Variants in CCSER1 observed in about 807,000 individuals in gnomAD.
CCSER1 encodes the protein coiled-coil serine rich protein 1, also known as serine-rich coiled-coil domain-containing protein 1.
CCSER1 carries 41 observed loss-of-function variants against 82.0 expected under a neutral mutation model. That is an observed-to-expected ratio of 0.50 (90% CI 0.39 to 0.65). The LOEUF (loss-of-function observed/expected upper bound fraction) is 0.65, where lower values mean the gene tolerates loss of function less well. CCSER1 is among the 30% of genes least tolerant of loss of function. The probability of loss-of-function intolerance (pLI) is 0.00; values close to 1 mark genes in which losing one functional copy is unlikely to be tolerated. For synonymous variants in CCSER1, 414 were observed against 383.9 expected, an observed-to-expected ratio of 1.08 and a Z score of -0.92; for missense variants, 1,119 against 1,064.2, an observed-to-expected ratio of 1.05 and a Z score of -0.72.
rs140189403 is a variant in CCSER1 at position 90,738,806 on chromosome 4, C to T, written c.2010+14815C>T. ...CTGCTGTCGATGTTCACTCAAGGCC[C>T]TGTGCTCTTTCATCAGCTTATGGTG... On this transcript the variant is annotated intron_variant, in intron 7 of 10. Coordinates refer to ENST00000509176, the MANE Select transcript of CCSER1 (RefSeq NM_001145065.2). 2.7e-3 allele frequency among the ~76,000 whole-genome samples: 415 copies of T among 152,256 alleles called. 3 individuals carry two copies. Among genetic ancestry groups the T allele is most frequent in the African/African-American group, 9.7e-3 (405 of 41,552 alleles).
intron 9 of CCSER1, among the ~76,000 whole-genome samples, chr4:91,034,773 G>T (rs576929698): frequency 6.6e-6 from 1 of 152,164 alleles, no homozygotes; most frequent in African/African-American, 2.4e-5. Context: ...TGAAAAGCAG[G>T]CTAAAAATGT....
chr4:90,423,249 T>G (rs1756992348), intron 4 of CCSER1, among the ~76,000 whole-genome samples: 1 of 152,180 alleles, frequency 6.6e-6, no homozygotes, highest in South Asian at 2.1e-4. Flanking sequence ...TATTTTGAGA[T>G]GGAGTCTTGC....
At chr4:90,190,409 T>C (rs1320411880) in intron 1 of CCSER1, among the ~76,000 whole-genome samples, 1 of 152,066 alleles carries the variant, frequency 6.6e-6, no homozygotes, top group Non-Finnish European at 1.5e-5. Context: ...AAAAAACTGG[T>C]CAAGGTCAGA....
At chr4:90,691,476 A>G (rs1345372142) in intron 6 of CCSER1, among the ~76,000 whole-genome samples, 2 of 151,676 alleles carry the variant, frequency 1.3e-5, no homozygotes, top group African/African-American at 2.4e-5. Flanking sequence ...ACACACATGT[A>G]TTATATATCA....
intron 1 of CCSER1, among the ~76,000 whole-genome samples, chr4:90,196,601 C>T (rs1462423694): frequency 6.7e-6 from 1 of 149,930 alleles, no homozygotes; most frequent in Admixed American, 6.7e-5. Flanking sequence ...TCTTTATTCC[C>T]TTTCCCCATA....
intron 3 of CCSER1, 139 bp downstream of exon 3, chr4:90,313,186 T>C (rs1388547817): frequency 2.7e-6 from 2 of 733,750 alleles, no homozygotes; most frequent in African/African-American, 3.6e-5. Flanking sequence ...TAGTTGACAT[T>C]ACAAGTCAGA....
At chr4:90,397,686 G>C (rs187785268) in intron 3 of CCSER1, among the ~76,000 whole-genome samples, 2 of 152,102 alleles carry the variant, frequency 1.3e-5, no homozygotes, top group African/African-American at 4.8e-5. Flanking sequence ...CACCAAGTTT[G>C]GTTAAGATGT....
At chr4:90,331,851 A>T (rs1466209544) in intron 3 of CCSER1, among the ~76,000 whole-genome samples, 1 of 151,172 alleles carries the variant, frequency 6.6e-6, no homozygotes, top group African/African-American at 2.4e-5. Context: ...GAAAGGTTGT[A>T]TTATACATTT....
chr4:90,483,705 C>T (rs1766481544), intron 5 of CCSER1, among the ~76,000 whole-genome samples: 1 of 152,238 alleles, frequency 6.6e-6, no homozygotes, highest in Non-Finnish European at 1.5e-5. Context: ...TTGGCCCCCA[C>T]TCTCTTCTGG....
intron 5 of CCSER1, among the ~76,000 whole-genome samples, chr4:90,574,104 T>C (rs919425644): frequency 2.8e-4 from 42 of 151,856 alleles, no homozygotes; most frequent in African/African-American, 9.9e-4. Context: ...TCAGCACTGA[T>C]ATATTTTAAA....
rs571857762 is a variant in CCSER1 at position 90,335,594 on chromosome 4, C to T, written c.1509+22547C>T. On this transcript the variant is annotated intron_variant, in intron 3 of 10. Coordinates refer to ENST00000509176, the MANE Select transcript of CCSER1 (RefSeq NM_001145065.2). ...CTTTTCTTTTTTAGCCCTATGAAAG[C>T]AAATATTTGTTCCCTAAATTTGCTC... Among the ~76,000 whole-genome samples, 19 of 152,184 alleles carry T rather than the reference C, an allele frequency of 1.2e-4. 1 individual carries two copies. In the South Asian group the frequency reaches 3.5e-3, roughly 28 times the overall value.
chr4:90,788,886 ATTCT>A (rs770893152), intron 7 of CCSER1, among the ~76,000 whole-genome samples: 50 of 152,178 alleles, frequency 3.3e-4, no homozygotes, highest in African/African-American at 1.1e-3. Context: ...ACTGAATCTC[ATTCT>A]TTCTTAACAC....
chr4:91,404,245 CCTTTT>C (rs1296807844), intron 10 of CCSER1, among the ~76,000 whole-genome samples: 1 of 151,712 alleles, frequency 6.6e-6, no homozygotes, highest in East Asian at 1.9e-4. Flanking sequence ...TGGTCATATC[CCTTTT>C]CTTTTTTTAT....
intron 1 of CCSER1, among the ~76,000 whole-genome samples, chr4:90,180,771 A>T (rs1733591655): frequency 6.6e-6 from 1 of 152,088 alleles, no homozygotes; most frequent in South Asian, 2.1e-4. Flanking sequence ...AAAAACTGAG[A>T]CAGGGAATAC....
At chr4:91,448,696 C>T (rs1396895155) in intron 10 of CCSER1, among the ~76,000 whole-genome samples, 1 of 152,034 alleles carries the variant, frequency 6.6e-6, no homozygotes, top group Non-Finnish European at 1.5e-5. Flanking sequence ...TTTTACTGAA[C>T]ATTTATGATA....
chr4:90,243,763 A>G (rs189024413), intron 1 of CCSER1, among the ~76,000 whole-genome samples: 65 of 152,292 alleles, frequency 4.3e-4, no homozygotes, highest in African/African-American at 1.5e-3. Flanking sequence ...TACACAGGTG[A>G]AAACGAAAAT....
chr4:91,166,510 G>A (rs554497212), intron 10 of CCSER1, among the ~76,000 whole-genome samples: 19 of 152,232 alleles, frequency 1.2e-4, no homozygotes, highest in East Asian at 1.9e-4. Flanking sequence ...TAATGACACC[G>A]TCTAAGCATC....
intron 1 of CCSER1, among the ~76,000 whole-genome samples, chr4:90,284,366 C>G (rs1046986149): frequency 1.3e-5 from 2 of 152,068 alleles, no homozygotes; most frequent in Non-Finnish European, 2.9e-5. Flanking sequence ...CTTTATTTGC[C>G]AGTGCTTTTG....
intron 5 of CCSER1, among the ~76,000 whole-genome samples, chr4:90,534,060 T>G (rs1200545493): frequency 1.3e-5 from 2 of 152,246 alleles, no homozygotes; most frequent in African/African-American, 2.4e-5. Flanking sequence ...ATATGTTGCT[T>G]AAGCAGTTGT....
Sources: allele counts gnomAD v4.1 joint callset (sites outside exome capture counted in the v4.1 genomes callset), GRCh38; gene constraint gnomAD v4.1.1; transcripts MANE v1.5; gene names NCBI Gene and HGNC (gene_info 2026-07-23, HGNC 2026-07-21).